The following ACTR3C variants were observed in gnomAD, a reference collection of about 807,000 sequenced individuals.
The protein encoded by ACTR3C is actin related protein 3C.
In ACTR3C, 18 loss-of-function variants were observed where a neutral mutation model predicts 26.3. The ratio of observed to expected loss-of-function variants is 0.68; its 90% CI spans 0.47 to 1.01. The LOEUF (loss-of-function observed/expected upper bound fraction) is 1.01. Ranked by LOEUF, ACTR3C falls within the 50% of genes least tolerant of loss-of-function variation. ACTR3C has a pLI of 0.00. For missense variants in ACTR3C, 184 were observed against 250.7 expected, an observed-to-expected ratio of 0.73 and a Z score of 1.80; for synonymous variants, 55 against 94.5, an observed-to-expected ratio of 0.58 and a Z score of 2.42.
At chr7:150,134,558 A>G in the ACTR3C span, among the ~76,000 whole-genome samples, 103 of 152,374 alleles carry the variant, frequency 6.8e-4, no homozygotes, top group African/African-American at 2.5e-3. Flanking sequence ...ACTTAGTCAG[A>G]TATAGTTCAG....
the ACTR3C span, among the ~76,000 whole-genome samples, chr7:149,912,149 G>T: frequency 6.6e-6 from 1 of 151,856 alleles, no homozygotes; most frequent in African/African-American, 2.4e-5. Context: ...TGAAATGTAT[G>T]AAACAAATGG....
the ACTR3C span, among the ~76,000 whole-genome samples, chr7:149,887,848 C>T: frequency 2.9e-4 from 44 of 152,290 alleles, 1 homozygote; most frequent in African/African-American, 8.9e-4. Flanking sequence ...ATAGTGAATA[C>T]GTCTCAAGAG....
chr7:150,136,914 C>T, the ACTR3C span, among the ~76,000 whole-genome samples: 1 of 152,136 alleles, frequency 6.6e-6, no homozygotes, highest in Non-Finnish European at 1.5e-5. Context: ...GGATGGGACA[C>T]GGAGTGGGGA....
the ACTR3C span, among the ~76,000 whole-genome samples, chr7:150,149,845 C>T: frequency 6.6e-6 from 1 of 152,144 alleles, no homozygotes; most frequent in Non-Finnish European, 1.5e-5. Context: ...TATATATTTG[C>T]AAAAAGCTTT....
the ACTR3C span, among the ~76,000 whole-genome samples, chr7:149,956,083 G>A: frequency 2.6e-5 from 4 of 152,104 alleles, no homozygotes; most frequent in Non-Finnish European, 5.9e-5. Context: ...TTCCAAAAAG[G>A]TTTTGAGGCA....
chr7:150,254,223 G>A (rs1027532671), intron 6 of ACTR3C, among the ~76,000 whole-genome samples: 4 of 152,142 alleles, frequency 2.6e-5, no homozygotes, highest in African/African-American at 9.7e-5. Flanking sequence ...CTTGGGCATG[G>A]CTTGGAGAAC....
At chr7:150,080,861 A>C in the ACTR3C span, among the ~76,000 whole-genome samples, 1 of 152,220 alleles carries the variant, frequency 6.6e-6, no homozygotes, top group Non-Finnish European at 1.5e-5. Context: ...TAAAGACTTT[A>C]CAAAAGTTGG....
the ACTR3C span, among the ~76,000 whole-genome samples, chr7:150,055,266 G>T: frequency 6.6e-6 from 1 of 152,200 alleles, no homozygotes; most frequent in Non-Finnish European, 1.5e-5. Flanking sequence ...CATTTAACAA[G>T]CTCTCCAGAT....
chr7:150,182,722 G>A, the ACTR3C span, among the ~76,000 whole-genome samples: 1 of 150,936 alleles, frequency 6.6e-6, no homozygotes, highest in Non-Finnish European at 1.5e-5. Context: ...TAAGCCATTT[G>A]ATCACAATAT....
At chr7:149,948,737 C>T in the ACTR3C span, among the ~76,000 whole-genome samples, 1 of 152,200 alleles carries the variant, frequency 6.6e-6, no homozygotes, top group Non-Finnish European at 1.5e-5. Flanking sequence ...ACTTTGCGGG[C>T]CACAGCCTCA....
chr7:150,110,982 A>G, the ACTR3C span, among the ~76,000 whole-genome samples: 866 of 150,826 alleles, frequency 5.7e-3, 5 homozygotes, highest in African/African-American at 0.02. Context: ...AGCCCTGTGT[A>G]ATTGGACATG....
the ACTR3C span, among the ~76,000 whole-genome samples, chr7:150,083,313 C>T: frequency 1.3e-5 from 2 of 151,790 alleles, no homozygotes; most frequent in Non-Finnish European, 2.9e-5. Flanking sequence ...CATCTGTAAT[C>T]CCAGCACTTT....
chr7:150,186,646 T>C, the ACTR3C span, among the ~76,000 whole-genome samples: 1 of 152,210 alleles, frequency 6.6e-6, no homozygotes, highest in African/African-American at 2.4e-5. Context: ...GTTATTTACT[T>C]CTATTTTCCC....
chr7:149,891,548 A>G, the ACTR3C span: 1 of 226,408 alleles, frequency 4.4e-6, no homozygotes, highest in South Asian at 5.8e-5. Context: ...GAGGCAGGCC[A>G]GGCACAGTGG....
At chr7:150,203,134 T>A in the ACTR3C span, among the ~76,000 whole-genome samples, 2 of 152,248 alleles carry the variant, frequency 1.3e-5, no homozygotes, top group African/African-American at 4.8e-5. Flanking sequence ...CGGAGCTTTC[T>A]AAGAAATGCA....
intron 6 of ACTR3C, among the ~76,000 whole-genome samples, chr7:150,275,798 TTGAACA>T (rs1268494710): frequency 6.6e-6 from 1 of 152,184 alleles, no homozygotes; most frequent in African/African-American, 2.4e-5. Flanking sequence ...ATTTTCTAAA[TTGAACA>T]TGAATTTTAG....
chr7:150,228,542 C>A, the ACTR3C span, among the ~76,000 whole-genome samples: 19 of 152,212 alleles, frequency 1.2e-4, no homozygotes, highest in African/African-American at 4.6e-4. Flanking sequence ...GGCAAAAGAG[C>A]AAAATCAGAG....
the ACTR3C span, among the ~76,000 whole-genome samples, chr7:150,012,117 T>G: frequency 1.3e-5 from 2 of 152,132 alleles, no homozygotes; most frequent in African/African-American, 2.4e-5. Context: ...ACATTCCAGA[T>G]GGAGAAACTA....
chr7:150,039,697 G>C, the ACTR3C span, among the ~76,000 whole-genome samples: 78 of 25,426 alleles, frequency 3.1e-3, 1 homozygote, highest in East Asian at 0.036. Flanking sequence ...GTCCTAAGCC[G>C]GGGGGGAAGA....
Sources: allele counts gnomAD v4.1 joint callset (sites outside exome capture counted in the v4.1 genomes callset), GRCh38; gene constraint gnomAD v4.1.1; transcripts MANE v1.5; gene names NCBI Gene and HGNC (gene_info 2026-07-23, HGNC 2026-07-21).